NADSYN1: variants seen among roughly 807,000 people sequenced by gnomAD.
The protein encoded by NADSYN1 is NAD synthetase 1, also known as glutamine-dependent NAD(+) synthetase.
In NADSYN1, 80 loss-of-function variants were observed where a neutral mutation model predicts 99.3. The ratio of observed to expected loss-of-function variants is 0.81; its 90% CI spans 0.67 to 0.97. The LOEUF is 0.97. Ranked by LOEUF, NADSYN1 falls within the 50% of genes least tolerant of loss-of-function variation. NADSYN1 has a pLI of 0.00. For missense variants in NADSYN1, 859 were observed against 948.5 expected, an observed-to-expected ratio of 0.91 and a Z score of 1.24; for synonymous variants, 385 against 372.1, an observed-to-expected ratio of 1.03 and a Z score of -0.40.
chr11:71,498,520 G>A lies in NADSYN1; in HGVS notation c.2062G>A (p.Glu688Lys). 6.2e-7 allele frequency: 1 copy of A among 1,613,808 alleles called. No individual in the cohort carries two copies. Residue 688 changes from glutamate to lysine, a missense_variant, in exon 20 of 21, where the codon GAA becomes AAA. Transcript: ENST00000319023. ...TSWPWQFRCIENQVLQLERAE... is the reference protein window; with the variant it reads ...TSWPWQFRCIKNQVLQLERAE... ...CTGGCCTTGGCAGTTTCGGTGCATA[G>A]AAAATCAGGTAAATCCAGCAGAAAT... is the stretch of plus-strand genomic sequence containing the variant.
Position 71,482,850 on chromosome 11 carries a change from TGAG to T in NADSYN1, c.1155_1157del (p.Glu386del). The T allele has an allele frequency of 1.9e-6, 3 of 1,612,180 alleles. No homozygotes were observed. The highest frequency in any genetic ancestry group is 1.7e-6 in the Non-Finnish European group (2 of 1,179,348). On this transcript the variant is annotated inframe_deletion and splice_region_variant, in exon 14 of 21. Transcript: ENST00000319023. Reference sequence around the variant, plus strand: ...CCATTCTGTCCTGGTGGTTTTCAGATGAGGAAGTGCTGGCTGATGTCCGCACCA... The same window carrying T: ...CCATTCTGTCCTGGTGGTTTTCAGATGAAGTGCTGGCTGATGTCCGCACCA...
chr11:71,460,167 T>C (rs1191105680), intron 3 of NADSYN1: 1 of 152,214 alleles, frequency 6.6e-6, no homozygotes, highest in Non-Finnish European at 1.5e-5. Flanking sequence ...TCCAGAATCA[T>C]CTCCCATCTC....
At chr11:71,455,228 C>A in intron 2 of NADSYN1, 58 bp downstream of exon 2, 3 of 1,458,650 alleles carry the variant, frequency 2.1e-6, no homozygotes, top group Non-Finnish European at 2.9e-6. Context: ...CATCAGTTTT[C>A]CCCAGCTGAG....
intron 16 of NADSYN1, 119 bp from the exon 17 acceptor site, chr11:71,490,726 C>T (rs1949772788): frequency 6.9e-7 from 1 of 1,439,184 alleles, no homozygotes; most frequent in South Asian, 1.3e-5. Flanking sequence ...CTCCGGGATG[C>T]TTGAATATGC....
rs1162866237 is a variant in NADSYN1, at chr11:71,453,316, T to C, written c.20T>C (p.Val7Ala). 5 of 1,613,794 alleles carry C rather than the reference T, an allele frequency of 3.1e-6. No homozygotes were observed. The highest frequency in any genetic ancestry group is 2.2e-5 in the East Asian group (1 of 44,846). ...GCCAGGATGGGCCGGAAGGTGACCG[T>C]GGCCACCTGCGCACTCAACCAGTGG... MGRKVT[V>A]ATCALNQWAL... Residue 7 changes from valine to alanine, a missense_variant, in exon 1 of 21, where the codon GTG (valine) becomes GCG (alanine). Transcript: ENST00000319023.
intron 5 of NADSYN1, among the ~76,000 whole-genome samples, chr11:71,472,186 C>T (rs1949631395): frequency 6.6e-6 from 1 of 152,240 alleles, no homozygotes; most frequent in Admixed American, 6.5e-5. Flanking sequence ...TAAAGATGAA[C>T]ATGAGCGTGT....
intron 18 of NADSYN1, among the ~76,000 whole-genome samples, chr11:71,493,979 C>A (rs913322260): frequency 2.6e-5 from 4 of 151,966 alleles, no homozygotes; most frequent in Admixed American, 2.6e-4. Context: ...CAAAAAAATA[C>A]AAACAACAAA....
In NADSYN1 at chr11:71,473,799, C is replaced by T. The variant is rs1949645924; in HGVS notation, c.666+113C>T. 13 of 829,190 alleles carry T rather than the reference C, an allele frequency of 1.6e-5. No homozygotes were observed. The South Asian group carries it at 1.7e-4, about 11-fold the overall frequency. 51.4% of individuals were successfully genotyped at this position (829,190 alleles called of 1,614,324 possible). ...GCCCACACACAATGGATGTTCCAGG[C>T]TAGTAATTATGGCCTGGACTCAACA... On this transcript the variant is annotated intron_variant, in intron 8 of 20. Coordinates refer to ENST00000319023, the MANE Select transcript of NADSYN1 (RefSeq NM_018161.5).
At chr11:71,492,226 GCC>G (rs1949785287) in intron 18 of NADSYN1, among the ~76,000 whole-genome samples, 1 of 152,184 alleles carries the variant, frequency 6.6e-6, no homozygotes, top group South Asian at 2.1e-4. Flanking sequence ...GAGGAGAATT[GCC>G]CTCGACTCCT....
At chr11:71,491,778 G>C in intron 17 of NADSYN1, 56 bp from the exon 18 acceptor site, 1 of 1,531,252 alleles carries the variant, frequency 6.5e-7, no homozygotes, top group Non-Finnish European at 9.0e-7. Flanking sequence ...TTCTCTCCCA[G>C]AGCTCACACC....
chr11:71,470,320 A>C (rs895166876), intron 5 of NADSYN1, among the ~76,000 whole-genome samples: 1 of 152,250 alleles, frequency 6.6e-6, no homozygotes, highest in Admixed American at 6.5e-5. Context: ...ACCTGGGTGC[A>C]TGAGTGATCT....
At position 71,484,334 on chromosome 11, in the gene NADSYN1, G is replaced by T. The variant is rs768545737; in HGVS notation, c.1342G>T (p.Asp448Tyr). 3.1e-6 allele frequency: 5 copies of T among 1,614,086 alleles called. No individual in the cohort carries two copies. Among genetic ancestry groups the T allele is most frequent in the Non-Finnish European group, 4.2e-6 (5 of 1,179,938 alleles). ...CAGCCACCACATCAGTCTCAACATC[G>T]ATCCAGCCGTGAAGGCCGTCATGGG... ...IGSHHISLNI[D>Y]PAVKAVMGIF... The change falls in exon 15 of 21, where the codon GAT (aspartate) becomes TAT (tyrosine). Residue 448 changes from aspartate to tyrosine, a missense_variant. Coordinates refer to ENST00000319023, the MANE Select transcript of NADSYN1 (RefSeq NM_018161.5).
chr11:71,485,673 G>C, intron 16 of NADSYN1, 25 bp downstream of exon 16: 1 of 1,517,212 alleles, frequency 6.6e-7, no homozygotes, highest in Non-Finnish European at 8.9e-7. Flanking sequence ...GTGGCACGTG[G>C]TGGTGGGCCC....
rs370407671 is a variant in NADSYN1, at chr11:71,485,563, G to A, written c.1477G>A (p.Ala493Thr). The change falls in exon 16 of 21, where the codon GCC (alanine) becomes ACC (threonine). Residue 493 changes from alanine (A) to threonine (T), a missense_variant. By Grantham distance (58) the Ala-to-Thr change is moderately conservative. Coordinates refer to ENST00000319023, the MANE Select transcript of NADSYN1 (RefSeq NM_018161.5). ...CCAGGCTCGAATACGGATGGTCCTC[G>A]CCTATCTGTTTGCTCAGTTGAGCCT... ...NVQARIRMVL[A>T]YLFAQLSLWS... 64 of 1,560,186 alleles carry A rather than the reference G, an allele frequency of 4.1e-5. No homozygotes were observed. The highest frequency in any genetic ancestry group is 1.7e-4 in the Middle Eastern group (1 of 6,012).
At chr11:71,493,011 C>T (rs995570636) in intron 18 of NADSYN1, among the ~76,000 whole-genome samples, 3 of 152,042 alleles carry the variant, frequency 2.0e-5, no homozygotes, top group Non-Finnish European at 2.9e-5. Context: ...CCTCAGCCTC[C>T]GGAGTAGCTG....
chr11:71,501,509 A>C lies in NADSYN1; in HGVS notation c.*157A>C. 1 of 646,750 alleles carries C rather than the reference A, an allele frequency of 1.5e-6. No individual in the cohort carries two copies. The highest frequency in any genetic ancestry group is 2.0e-5 in the South Asian group (1 of 50,370). 40.1% of individuals were successfully genotyped at this position (646,750 alleles called of 1,614,324 possible). Reference sequence around the variant, plus strand: ...AACTTTTCAGTCAAATTCCTCAAAAAGAGGCTGGAATAAAGCCTGGGCTTA... The same window carrying C: ...AACTTTTCAGTCAAATTCCTCAAAACGAGGCTGGAATAAAGCCTGGGCTTA... On this transcript the variant is annotated 3_prime_UTR_variant, in exon 21 of 21. Coordinates refer to ENST00000319023, the MANE Select transcript of NADSYN1 (RefSeq NM_018161.5).
intron 5 of NADSYN1, among the ~76,000 whole-genome samples, chr11:71,467,338 A>G (rs1290829732): frequency 6.6e-6 from 1 of 152,144 alleles, no homozygotes; most frequent in Non-Finnish European, 1.5e-5. Flanking sequence ...TTCACCTTCA[A>G]TCCAGGCTGC....
intron 9 of NADSYN1, chr11:71,477,195 G>T: frequency 6.8e-6 from 8 of 1,177,076 alleles, no homozygotes; most frequent in Middle Eastern, 2.4e-4. Context: ...CCGGCTTGTC[G>T]TGTGCCTGGA....
intron 11 of NADSYN1, 121 bp downstream of exon 11, chr11:71,481,000 G>A: frequency 2.2e-6 from 3 of 1,380,756 alleles, no homozygotes; most frequent in Non-Finnish European, 2.0e-6. Flanking sequence ...ACTTGCAGAA[G>A]GCAACTGTGC....
Sources: allele counts gnomAD v4.1 joint callset (sites outside exome capture counted in the v4.1 genomes callset), GRCh38; gene constraint gnomAD v4.1.1; transcripts MANE v1.5; gene names NCBI Gene and HGNC (gene_info 2026-07-23, HGNC 2026-07-21).